ODF4: variants seen among roughly 807,000 people sequenced by gnomAD.
The protein encoded by ODF4 is outer dense fiber protein 4.
ODF4 carries 11 observed loss-of-function variants against 17.0 expected under a neutral mutation model. That is an observed-to-expected ratio of 0.65 (90% CI 0.41 to 1.07). The LOEUF (loss-of-function observed/expected upper bound fraction) is 1.07. Ranked by LOEUF, ODF4 falls within the 50% of genes least tolerant of loss-of-function variation. The probability of loss-of-function intolerance (pLI) is 0.00; values close to 1 mark genes in which losing one functional copy is unlikely to be tolerated. For synonymous variants in ODF4, 127 were observed against 121.8 expected, an observed-to-expected ratio of 1.04 and a Z score of -0.28; for missense variants, 281 against 310.2, an observed-to-expected ratio of 0.91 and a Z score of 0.71.
rs1906208722 is a variant in ODF4 at position 8,345,523 on chromosome 17, G to C, written c.589+46G>C. The stretch of plus-strand genomic sequence containing the variant: ...GGGGGAAGGAAGCGACATGGGTAGG[G>C]TAGGGCAGGGAAAGTGTGGAGGGAA... On this transcript the variant is annotated intron_variant, in intron 2 of 2. Coordinates refer to ENST00000328248, the MANE Select transcript of ODF4 (RefSeq NM_153007.5). The surrounding 1 kb of genome is among the most constrained non-coding windows in gnomAD (Gnocchi z 4.1). 6.2e-7 allele frequency: 1 copy of C among 1,603,680 alleles called. No homozygotes were observed. The highest frequency in any genetic ancestry group is 8.5e-7 in the Non-Finnish European group (1 of 1,173,148).
In ODF4 at chr17:8,345,741, C is replaced by T; in HGVS notation, c.663C>T (p.Cys221=). Residue 221 remains cysteine (C), a synonymous_variant, in exon 3 of 3, where the codon TGC becomes TGT. Coordinates refer to ENST00000328248, the MANE Select transcript of ODF4 (RefSeq NM_153007.5). This position sits in a 1 kb window ranked among gnomAD's most constrained non-coding sequence, Gnocchi z 4.1. ...GCCACCCCAGTGGTGCCGTGTCCTG[C>T]AGCAGCAGTTTCGGCTCAGTAGAAG... ...ILSHPSGAVS[C]SSSFGSVEES... is the part of the protein sequence containing the mutation. The T allele has an allele frequency of 6.2e-7, 1 of 1,613,986 alleles. No individual in the cohort carries two copies. Among genetic ancestry groups the T allele is most frequent in the Non-Finnish European group, 8.5e-7 (1 of 1,179,848 alleles).
In ODF4 at chr17:8,339,999, A is replaced by T; in HGVS notation, c.-53A>T. 1 of 1,168,362 alleles carries T rather than the reference A, an allele frequency of 8.6e-7. No individual in the cohort carries two copies. Among genetic ancestry groups the T allele is most frequent in the Non-Finnish European group, 1.2e-6 (1 of 831,850 alleles). 72.4% of individuals were successfully genotyped at this position (1,168,362 alleles called of 1,614,324 possible). ...GAAAATATCCAAAAGATGAGAAGAG[A>T]CAATTGAGTCTGGTGAGGGAAAGGG... On this transcript the variant is annotated 5_prime_UTR_variant, in exon 1 of 3. Transcript: ENST00000328248.
rs1207611545 is a variant in ODF4, at chr17:8,345,043, G to C, written c.455-300G>C. ...GGGACCATCTTGAGCTTCTGTGAAG[G>C]TGCCTCCTAGCTCTGGAAAGGTCCT... is the stretch of plus-strand genomic sequence containing the variant. On this transcript the variant is annotated intron_variant, in intron 1 of 2. Transcript: ENST00000328248. This position sits in a 1 kb window ranked among gnomAD's most constrained non-coding sequence, Gnocchi z 4.1. 6 of 1,090,586 alleles carry C rather than the reference G, an allele frequency of 5.5e-6. No individual in the cohort carries two copies. The highest frequency in any genetic ancestry group is 9.2e-5 in the Admixed American group (2 of 21,770). 67.6% of individuals were successfully genotyped at this position (1,090,586 alleles called of 1,614,324 possible).
Position 8,345,416 on chromosome 17 carries a change from C to T in ODF4, c.528C>T (p.Ser176=). 1 of 1,613,604 alleles carries T rather than the reference C, an allele frequency of 6.2e-7. No homozygotes were observed. The highest frequency in any genetic ancestry group is 8.5e-7 in the Non-Finnish European group (1 of 1,179,528). ...TCTTCGAGTTGGAAAGGAATGTATC[C>T]ATCCCCATAGGCTGGAGCTATTTCA... ...IWIFELERNV[S]IPIGWSYFIG... is the part of the protein sequence containing the mutation. Residue 176 remains serine, a synonymous_variant, in exon 2 of 3, where the codon TCC becomes TCT. Coordinates refer to ENST00000328248, the MANE Select transcript of ODF4 (RefSeq NM_153007.5). This position sits in a 1 kb window ranked among gnomAD's most constrained non-coding sequence, Gnocchi z 4.1.
intron 1 of ODF4, among the ~76,000 whole-genome samples, chr17:8,342,485 C>T (rs1226306530): frequency 6.3e-5 from 9 of 143,792 alleles, no homozygotes; most frequent in Admixed American, 4.8e-4. Context: ...TCAGATGATC[C>T]GCCTGCCTCG....
Position 8,345,652 on chromosome 17 carries a change from C to A in ODF4, c.590-16C>A. 6.2e-7 allele frequency: 1 copy of A among 1,612,132 alleles called. No individual in the cohort carries two copies. The highest frequency in any genetic ancestry group is 8.5e-7 in the Non-Finnish European group (1 of 1,178,414). ...CAGTCACAACTTTCCTCTCCCCTGT[C>A]CCTGTCCTTTCCCAGCGATCCTTTG... On this transcript the variant is annotated splice_polypyrimidine_tract_variant and intron_variant, in intron 2 of 2. Transcript: ENST00000328248. The surrounding 1 kb of genome is among the most constrained non-coding windows in gnomAD (Gnocchi z 4.1).
chr17:8,345,293 C>T lies in ODF4; in HGVS notation c.455-50C>T. The T allele has an allele frequency of 6.4e-7, 1 of 1,564,822 alleles. No homozygotes were observed. Among genetic ancestry groups the T allele is most frequent in the Non-Finnish European group, 8.7e-7 (1 of 1,143,882 alleles). On this transcript the variant is annotated intron_variant, in intron 1 of 2. Coordinates refer to ENST00000328248, the MANE Select transcript of ODF4 (RefSeq NM_153007.5). The surrounding 1 kb of genome is among the most constrained non-coding windows in gnomAD (Gnocchi z 4.1). ...TAGCCTAGCAGATGAGGAAGAACCT[C>T]CTGTGGGACTCTTGTATGACAATGA...
intron 1 of ODF4, among the ~76,000 whole-genome samples, chr17:8,342,857 C>T (rs1293065012): frequency 6.6e-6 from 1 of 151,782 alleles, no homozygotes; most frequent in African/African-American, 2.4e-5. Context: ...TTGAAGCTCC[C>T]AAGTAGCTGG....
rs1380552841 is a variant in ODF4, at chr17:8,340,129, A to C, written c.78A>C (p.Glu26Asp). 6.4e-7 allele frequency: 1 copy of C among 1,557,216 alleles called. No homozygotes were observed. Residue 26 changes from glutamate (E) to aspartate (D), a missense_variant, in exon 1 of 3, where the codon GAA (glutamate) becomes GAC (aspartate). Physicochemically the swap from Glu to Asp is conservative, Grantham distance 45. Transcript: ENST00000328248. The stretch of plus-strand genomic sequence containing the variant: ...ACCAACATCAGAGACCTGGAAAGGA[A>C]AGGAAGAGTGGGGAGGCAGGATGGG... The part of the protein sequence containing the change: ...ERDQHQRPGK[E>D]RKSGEAGWGT...
rs529889537 is a variant in ODF4 at position 8,342,991 on chromosome 17, C to T, written c.455-2352C>T. ...CAAGTGATTCTCCTGCCTCCACCTC[C>T]CAAAGTGTTGGGATTACCGGTGTGA... On this transcript the variant is annotated intron_variant, in intron 1 of 2. Transcript: ENST00000328248. Among the ~76,000 whole-genome samples the T allele has an allele frequency of 7.9e-5, 12 of 152,006 alleles. No individual in the cohort carries two copies. In the East Asian group the frequency reaches 2.3e-3, roughly 29 times the overall value.
Position 8,345,160 on chromosome 17 carries a change from G to C in ODF4, c.455-183G>C. On this transcript the variant is annotated intron_variant, in intron 1 of 2. Transcript: ENST00000328248. The surrounding 1 kb of genome is among the most constrained non-coding windows in gnomAD (Gnocchi z 4.1). ...GTGGGTGGTGGGAGAACAGAACCGA[G>C]AATCGAGTTACATCATTTCTTGGTC... 1.2e-6 allele frequency: 1 copy of C among 804,620 alleles called. No homozygotes were observed. The highest frequency in any genetic ancestry group is 1.8e-5 in the South Asian group (1 of 54,478). The allele number at this position is 804,620 out of a possible 1,614,324, so 49.8% of individuals were successfully genotyped here.
Position 8,345,898 on chromosome 17 carries a change from C to T in ODF4, c.*46C>T, listed in dbSNP as rs748731505. 1.3e-6 allele frequency: 2 copies of T among 1,508,934 alleles called. No individual in the cohort carries two copies. Among genetic ancestry groups the T allele is most frequent in the Non-Finnish European group, 1.8e-6 (2 of 1,089,464 alleles). 93.5% of individuals were successfully genotyped at this position (1,508,934 alleles called of 1,614,324 possible). ...CCAAGTTCTGTCCATTCATCTGACCCCATCTCCTCATCCTCCCCCAGCCCT... is the reference window on the plus strand; with the variant it reads ...CCAAGTTCTGTCCATTCATCTGACCTCATCTCCTCATCCTCCCCCAGCCCT... On this transcript the variant is annotated 3_prime_UTR_variant, in exon 3 of 3. Transcript: ENST00000328248. The surrounding 1 kb of genome is among the most constrained non-coding windows in gnomAD (Gnocchi z 4.1).
intron 1 of ODF4, among the ~76,000 whole-genome samples, chr17:8,343,272 C>A (rs1471208961): frequency 6.6e-6 from 1 of 151,452 alleles, no homozygotes; most frequent in African/African-American, 2.4e-5. Context: ...GCTGAGACTA[C>A]AGACAGGTGC....
In ODF4 at chr17:8,345,668, C is replaced by A; in HGVS notation, c.590C>A (p.Ala197Glu). Reference sequence around the variant, plus strand: ...CTCCCCTGTCCCTGTCCTTTCCCAGCGATCCTTTGCTACTTCAACCATAAA... The same window carrying A: ...CTCCCCTGTCCCTGTCCTTTCCCAGAGATCCTTTGCTACTTCAACCATAAA... The part of the protein sequence containing the change: ...WLVLILYFTC[A>E]ILCYFNHKSF... The change falls in exon 3 of 3, where the codon GCG becomes GAG. Residue 197 changes from alanine (A) to glutamate (E), a missense_variant and splice_region_variant. Physicochemically the swap from Ala to Glu is moderately radical, Grantham distance 107 (BLOSUM62 -1). Coordinates refer to ENST00000328248, the MANE Select transcript of ODF4 (RefSeq NM_153007.5). This position sits in a 1 kb window ranked among gnomAD's most constrained non-coding sequence, Gnocchi z 4.1. 1 of 1,613,492 alleles carries A rather than the reference C, an allele frequency of 6.2e-7. No individual in the cohort carries two copies. The highest frequency in any genetic ancestry group is 8.5e-7 in the Non-Finnish European group (1 of 1,179,544).
chr17:8,345,782 A>C lies in ODF4; in HGVS notation c.704A>C (p.Gln235Pro), dbSNP rs1408422182. 3.1e-6 allele frequency: 5 copies of C among 1,614,144 alleles called. No homozygotes were observed. Among genetic ancestry groups the C allele is most frequent in the Non-Finnish European group, 4.2e-6 (5 of 1,180,014 alleles). ...TCAGTAGAAGAATCTCCAAGGGCAC[A>C]GACGATCACAGACACCCCCATCACC... is the stretch of plus-strand genomic sequence containing the variant. ...FGSVEESPRA[Q>P]TITDTPITQE... Residue 235 changes from glutamine to proline, a missense_variant, in exon 3 of 3, where the codon CAG (glutamine) becomes CCG (proline). Transcript: ENST00000328248. The surrounding 1 kb of genome is among the most constrained non-coding windows in gnomAD (Gnocchi z 4.1).
intron 1 of ODF4, among the ~76,000 whole-genome samples, chr17:8,344,558 G>T (rs867420774): frequency 7.9e-6 from 1 of 126,810 alleles, no homozygotes; most frequent in Middle Eastern, 4.3e-3. Flanking sequence ...GGAGTGCAGT[G>T]GCTCACCACA....
At chr17:8,340,774 G>A (rs1284024219) in intron 1 of ODF4, among the ~76,000 whole-genome samples, 1 of 151,944 alleles carries the variant, frequency 6.6e-6, no homozygotes, top group Non-Finnish European at 1.5e-5. Flanking sequence ...AGAGAGTTGG[G>A]CATGGTGCTG....
chr17:8,343,191 G>A (rs1906100413), intron 1 of ODF4, among the ~76,000 whole-genome samples: 1 of 150,958 alleles, frequency 6.6e-6, no homozygotes, highest in African/African-American at 2.4e-5. Flanking sequence ...GTGTGCAGTG[G>A]CATGATCTCG....
At chr17:8,341,188 CT>C (rs1815648148) in intron 1 of ODF4, among the ~76,000 whole-genome samples, 3 of 149,578 alleles carry the variant, frequency 2.0e-5, no homozygotes, top group African/African-American at 7.4e-5. Context: ...AAAACTCTGT[CT>C]CAAAAAAAAA....
Sources: allele counts gnomAD v4.1 joint callset (sites outside exome capture counted in the v4.1 genomes callset), GRCh38; gene constraint gnomAD v4.1.1; non-coding constraint Gnocchi (gnomAD v3.1); transcripts MANE v1.5; gene names NCBI Gene and HGNC (gene_info 2026-07-23, HGNC 2026-07-21).